Variants in FIGN observed in about 807,000 individuals in gnomAD.
FIGN encodes the protein fidgetin.
A neutral mutation model predicts 51.3 loss-of-function variants in FIGN; 11 were observed. The ratio of observed to expected loss-of-function variants is 0.21; its 90% CI spans 0.13 to 0.35. FIGN has a LOEUF of 0.35. Among genes scored for constraint, FIGN ranks in the 10% least tolerant of loss-of-function variants. The probability of loss-of-function intolerance (pLI) is 1.00; values close to 1 mark genes in which losing one functional copy is unlikely to be tolerated. For missense variants in FIGN, 857 were observed against 943.6 expected, an observed-to-expected ratio of 0.91 and a Z score of 1.20; for synonymous variants, 407 against 363.2, an observed-to-expected ratio of 1.12 and a Z score of -1.37.
intron 2 of FIGN, among the ~76,000 whole-genome samples, chr2:163,679,309 T>C (rs1373613087): frequency 3.3e-5 from 5 of 151,928 alleles, no homozygotes; most frequent in African/African-American, 9.7e-5. Flanking sequence ...GTGGGTAACA[T>C]GGTGAAACCC....
At chr2:163,639,621 C>A (rs546403264) in intron 2 of FIGN, among the ~76,000 whole-genome samples, 13 of 152,032 alleles carry the variant, frequency 8.6e-5, no homozygotes, top group South Asian at 2.1e-4. Flanking sequence ...CCAAAAGAGC[C>A]GTGAAAATTC....
intron 2 of FIGN, among the ~76,000 whole-genome samples, chr2:163,702,065 A>T (rs902160999): frequency 6.6e-6 from 1 of 152,134 alleles, no homozygotes; most frequent in Non-Finnish European, 1.5e-5. Flanking sequence ...ATATCTACCA[A>T]CACAAATTGA....
intron 2 of FIGN, among the ~76,000 whole-genome samples, chr2:163,687,865 A>G (rs1684174576): frequency 6.6e-6 from 1 of 152,210 alleles, no homozygotes; most frequent in South Asian, 2.1e-4. Flanking sequence ...ATCTTGGGTC[A>G]CAAAGACCAA....
At chr2:163,711,007 A>G (rs1684579299) in intron 2 of FIGN, among the ~76,000 whole-genome samples, 1 of 152,194 alleles carries the variant, frequency 6.6e-6, no homozygotes, top group Non-Finnish European at 1.5e-5. Context: ...ATCTACATGC[A>G]CACATGCACT....
intron 2 of FIGN, 85 bp downstream of exon 2, chr2:163,734,818 A>G: frequency 1.6e-6 from 2 of 1,267,940 alleles, no homozygotes; most frequent in Non-Finnish European, 2.2e-6. Flanking sequence ...ACTGCTTGCC[A>G]GGCAGTCTTC....
intron 2 of FIGN, among the ~76,000 whole-genome samples, chr2:163,629,461 T>C (rs1277233103): frequency 6.6e-6 from 1 of 152,088 alleles, no homozygotes; most frequent in Non-Finnish European, 1.5e-5. Context: ...TAGAGGATTT[T>C]CCTCATTGAT....
At chr2:163,629,257 G>A (rs1411303561) in intron 2 of FIGN, among the ~76,000 whole-genome samples, 1 of 152,206 alleles carries the variant, frequency 6.6e-6, no homozygotes, top group East Asian at 1.9e-4. Context: ...GAAAAGACAA[G>A]TGAGGATTTT....
intron 2 of FIGN, among the ~76,000 whole-genome samples, chr2:163,724,811 A>T (rs75851924): frequency 0.031 from 4,654 of 152,226 alleles, 280 homozygotes; most frequent in East Asian, 0.28. Flanking sequence ...TTAAAGGCAT[A>T]TATATATGTT....
At chr2:163,693,979 G>A (rs1684277020) in intron 2 of FIGN, among the ~76,000 whole-genome samples, 1 of 152,152 alleles carries the variant, frequency 6.6e-6, no homozygotes, top group Non-Finnish European at 1.5e-5. Flanking sequence ...CCTTTCTTTT[G>A]AGAGCTGTAA....
intron 2 of FIGN, among the ~76,000 whole-genome samples, chr2:163,627,992 AACACTGCCCTC>A (rs1359951381): frequency 6.6e-6 from 1 of 152,174 alleles, no homozygotes; most frequent in Non-Finnish European, 1.5e-5. Flanking sequence ...AGAATACAAA[AACACTGCCCTC>A]GACTCTCTGA....
chr2:163,611,531 C>G lies in FIGN; in HGVS notation c.301G>C (p.Gly101Arg). The change falls in exon 3 of 3, where the codon GGT becomes CGT. Residue 101 changes from glycine to arginine, a missense_variant. Physicochemically the swap from Gly to Arg is moderately radical, Grantham distance 125. Around this residue, in one of 3 missense-constraint regions of FIGN, gnomAD observed 799 missense variants for 849.5 expected, o/e 0.94. Coordinates refer to ENST00000333129, the MANE Select transcript of FIGN (RefSeq NM_018086.4). Reference sequence around the variant, plus strand: ...CAGGGTTCACTTTCATTTTTCCGACCGTTCACTAGTCCTGATGGTGTGTCC... The same window carrying G: ...CAGGGTTCACTTTCATTTTTCCGACGGTTCACTAGTCCTGATGGTGTGTCC... The part of the protein sequence containing the change: ...YSDTPSGLVN[G>R]RKNESEPWQP... The G allele has an allele frequency of 6.2e-7, 1 of 1,614,182 alleles. No individual in the cohort carries two copies. The highest frequency in any genetic ancestry group is 8.5e-7 in the Non-Finnish European group (1 of 1,180,026).
intron 2 of FIGN, among the ~76,000 whole-genome samples, chr2:163,708,550 G>A (rs1684537031): frequency 6.6e-6 from 1 of 152,168 alleles, no homozygotes; most frequent in African/African-American, 2.4e-5. Flanking sequence ...ATGAAGCAAT[G>A]TAGTTTCTAA....
At chr2:163,731,764 CTG>C (rs1684933496) in intron 2 of FIGN, among the ~76,000 whole-genome samples, 1 of 151,400 alleles carries the variant, frequency 6.6e-6, no homozygotes, top group South Asian at 2.1e-4. Context: ...ACCCTATAAA[CTG>C]TGTTTTTAGG....
Position 163,651,623 on chromosome 2 carries a change from G to A in FIGN, c.26-39817C>T, listed in dbSNP as rs899682298. On this transcript the variant is annotated intron_variant, in intron 2 of 2. Coordinates refer to ENST00000333129, the MANE Select transcript of FIGN (RefSeq NM_018086.4). ...TTATGTTCTATATGCAATAAGACAT[G>A]TAATGCTTTAAAAAATGAGAGCTAA... 2.0e-5 allele frequency among the ~76,000 whole-genome samples: 3 copies of A among 152,158 alleles called. No individual in the cohort carries two copies. In the East Asian group the frequency reaches 5.8e-4, roughly 29 times the overall value.
chr2:163,660,165 T>C (rs1035798812), intron 2 of FIGN, among the ~76,000 whole-genome samples: 2 of 151,962 alleles, frequency 1.3e-5, no homozygotes, highest in Admixed American at 6.6e-5. Context: ...CACAGTCTGA[T>C]CTTATTGAAT....
Position 163,653,764 on chromosome 2 carries a change from AAAC to A in FIGN, c.26-41961_26-41959del, listed in dbSNP as rs767746119. ...CTATCTATACGATGGAAGTCAGTGCAAACAACAACAACAACAAAATATTTTGTG... is the reference window on the plus strand; with the variant it reads ...CTATCTATACGATGGAAGTCAGTGCAAACAACAACAACAAAATATTTTGTG... On this transcript the variant is annotated intron_variant, in intron 2 of 2. Coordinates refer to ENST00000333129, the MANE Select transcript of FIGN (RefSeq NM_018086.4). 2.8e-4 allele frequency among the ~76,000 whole-genome samples: 43 copies of A among 152,188 alleles called. No individual in the cohort carries two copies. The East Asian group carries it at 5.2e-3, about 18-fold the overall frequency.
chr2:163,674,207 G>A (rs1295641875), intron 2 of FIGN, among the ~76,000 whole-genome samples: 2 of 152,150 alleles, frequency 1.3e-5, no homozygotes, highest in Admixed American at 6.5e-5. Context: ...ATCTCTTGCA[G>A]GCAGGTGGGA....
intron 2 of FIGN, among the ~76,000 whole-genome samples, chr2:163,725,811 A>T (rs937628883): frequency 6.6e-6 from 1 of 151,892 alleles, no homozygotes; most frequent in African/African-American, 2.4e-5. Flanking sequence ...AGAGCTTTCA[A>T]TTTTTTTTGT....
At chr2:163,710,077 T>G (rs1249970700) in intron 2 of FIGN, among the ~76,000 whole-genome samples, 1 of 152,202 alleles carries the variant, frequency 6.6e-6, no homozygotes, top group East Asian at 1.9e-4. Flanking sequence ...TCCTGAAGTT[T>G]TGTGCCTTCT....
Sources: gnomAD v4.1 joint callset for allele counts (sites outside exome capture counted in the v4.1 genomes callset) on GRCh38, gnomAD v4.1.1 for gene constraint, gnomAD v4.1.1 regional missense constraint, MANE v1.5 for transcripts, NCBI Gene and HGNC (gene_info 2026-07-23, HGNC 2026-07-21) for gene names.